The following CELF2 variants were observed in gnomAD, a reference collection of about 807,000 sequenced individuals.
CELF2 encodes CUGBP Elav-like family member 2.
CELF2 carries 8 observed loss-of-function variants against 62.6 expected under a neutral mutation model. The observed-to-expected ratio is 0.13, with a 90% CI of 0.07 to 0.23. The LOEUF is 0.23. Among genes scored for constraint, CELF2 ranks in the 10% least tolerant of loss-of-function variants. The probability of loss-of-function intolerance (pLI) is 1.00; values close to 1 mark genes in which losing one functional copy is unlikely to be tolerated. For missense variants in CELF2, 333 were observed against 671.0 expected, an observed-to-expected ratio of 0.50 and a Z score of 5.56; for synonymous variants, 258 against 250.0, an observed-to-expected ratio of 1.03 and a Z score of -0.30.
intron 1 of CELF2, among the ~76,000 whole-genome samples, chr10:10,909,381 C>T (rs988363378): frequency 6.6e-6 from 1 of 152,164 alleles, no homozygotes; most frequent in Non-Finnish European, 1.5e-5. Flanking sequence ...TCACAGACAG[C>T]GGAAGTCCAG....
chr10:10,980,683 A>G (rs1417986047), intron 2 of CELF2, among the ~76,000 whole-genome samples: 1 of 152,222 alleles, frequency 6.6e-6, no homozygotes, highest in Non-Finnish European at 1.5e-5. Context: ...GCACCCGCAC[A>G]GGTTATTTGA....
Position 11,224,135 on chromosome 10 carries a change from G to T in CELF2, c.354+6628G>T, listed in dbSNP as rs1215045851. Among the ~76,000 whole-genome samples, 3 of 152,212 alleles carry T rather than the reference G, an allele frequency of 2.0e-5. No individual in the cohort carries two copies. The highest frequency in any genetic ancestry group is 4.4e-5 in the Non-Finnish European group (3 of 68,028). Reference sequence around the variant, plus strand: ...TGCAAAGTTGAAAATGCCAGCACAGGATTACAGTAGGGAATAGCCACACCA... The same window carrying T: ...TGCAAAGTTGAAAATGCCAGCACAGTATTACAGTAGGGAATAGCCACACCA... On this transcript the variant is annotated intron_variant, in intron 3 of 12. Coordinates refer to ENST00000633077, the MANE Select transcript of CELF2 (RefSeq NM_001326342.2). This position sits in a 1 kb window ranked among gnomAD's most constrained non-coding sequence, Gnocchi z 4.5.
chr10:10,548,981 C>A, the CELF2 span, among the ~76,000 whole-genome samples: 2 of 152,262 alleles, frequency 1.3e-5, no homozygotes, highest in Non-Finnish European at 2.9e-5. Context: ...GCCGATCAGA[C>A]AGCAAAATCA....
chr10:10,997,936 G>T lies in CELF2; in HGVS notation c.89+77937G>T, dbSNP rs558770549. Among the ~76,000 whole-genome samples the T allele has an allele frequency of 2.6e-5, 4 of 152,242 alleles. 1 individual carries two copies. Among genetic ancestry groups the T allele is most frequent in the Middle Eastern group, 3.4e-3 (1 of 292 alleles). ...TCCCCACGTGTCATGGGAGGGACCCGGTGGGAGGTAATTGAATCATGGAGG... is the reference window on the plus strand; with the variant it reads ...TCCCCACGTGTCATGGGAGGGACCCTGTGGGAGGTAATTGAATCATGGAGG... On this transcript the variant is annotated intron_variant, in intron 2 of 13. Coordinates refer to the CELF2 transcript ENST00000636488. This position sits in a 1 kb window ranked among gnomAD's most constrained non-coding sequence, Gnocchi z 5.3.
chr10:10,741,785 C>T, the CELF2 span, among the ~76,000 whole-genome samples: 2 of 152,132 alleles, frequency 1.3e-5, no homozygotes, highest in Non-Finnish European at 2.9e-5. Flanking sequence ...CTTGAAATTA[C>T]TTGTCATAGG....
intron 1 of CELF2, among the ~76,000 whole-genome samples, chr10:10,825,500 G>A (rs549743898): frequency 1.4e-3 from 209 of 152,258 alleles, no homozygotes; most frequent in African/African-American, 4.8e-3. Flanking sequence ...ATGAGCCACC[G>A]CGCCCAGCTG....
upstream of CELF2, among the ~76,000 whole-genome samples, chr10:11,015,896 ATG>A (rs1318747871): frequency 1.5e-3 from 235 of 152,358 alleles, no homozygotes; most frequent in African/African-American, 5.2e-3. This position sits in a 1 kb window ranked among gnomAD's most constrained non-coding sequence, Gnocchi z 4.8. Context: ...AGAAGCGTAC[ATG>A]TTAATGAAAC....
the CELF2 span, among the ~76,000 whole-genome samples, chr10:10,677,257 C>T: frequency 2.5e-4 from 38 of 152,154 alleles, no homozygotes; most frequent in Admixed American, 9.8e-4. Context: ...GTGGGTCTTA[C>T]GCTTGTGGAC....
chr10:10,473,984 C>T, the CELF2 span, among the ~76,000 whole-genome samples: 1 of 152,084 alleles, frequency 6.6e-6, no homozygotes, highest in African/African-American at 2.4e-5. Flanking sequence ...AAACAAACTA[C>T]TACTTGTGTC....
At chr10:10,888,646 A>G (rs1283548951) in intron 1 of CELF2, among the ~76,000 whole-genome samples, 2 of 152,202 alleles carry the variant, frequency 1.3e-5, no homozygotes, top group Non-Finnish European at 1.5e-5. Flanking sequence ...GAAAGTCTGC[A>G]TGCCCCAGGC....
intron 1 of CELF2, among the ~76,000 whole-genome samples, chr10:11,108,608 C>A (rs142332939): frequency 8.2e-4 from 125 of 152,294 alleles, no homozygotes; most frequent in African/African-American, 2.7e-3. Flanking sequence ...CTGCAGGGCG[C>A]AAGCACACTT....
intron 1 of CELF2, among the ~76,000 whole-genome samples, chr10:11,141,656 A>T (rs1370390074): frequency 6.6e-6 from 1 of 152,242 alleles, no homozygotes; most frequent in Non-Finnish European, 1.5e-5. Flanking sequence ...TTCACTGTTG[A>T]CTTTGAAGTG....
At chr10:11,154,854 C>A (rs2064006338) in intron 1 of CELF2, among the ~76,000 whole-genome samples, 1 of 152,164 alleles carries the variant, frequency 6.6e-6, no homozygotes, top group Non-Finnish European at 1.5e-5. Flanking sequence ...CCACCCATCG[C>A]CCTTATTTCT....
intron 7 of CELF2, 25 bp from the exon 8 acceptor site, chr10:11,275,032 T>A: frequency 6.2e-7 from 1 of 1,612,782 alleles, no homozygotes; most frequent in East Asian, 2.2e-5. Flanking sequence ...CCGTCTCCAC[T>A]TTGCCCTTGT....
intron 2 of CELF2, among the ~76,000 whole-genome samples, chr10:11,194,935 G>A (rs1224557716): frequency 6.6e-6 from 1 of 152,188 alleles, no homozygotes; most frequent in South Asian, 2.1e-4. Context: ...GGAGTGGAGG[G>A]GAGCTTCATC....
At chr10:11,065,171 G>A (rs1339075097) in intron 1 of CELF2, among the ~76,000 whole-genome samples, 1 of 152,200 alleles carries the variant, frequency 6.6e-6, no homozygotes, top group African/African-American at 2.4e-5. Flanking sequence ...TCTTTGGAGA[G>A]GTGGTCAGTG....
chr10:11,248,179 A>G (rs1447049674), intron 3 of CELF2, among the ~76,000 whole-genome samples: 1 of 152,186 alleles, frequency 6.6e-6, no homozygotes, highest in East Asian at 1.9e-4. Flanking sequence ...CTCAGGGTGC[A>G]ATGAAATGTG....
intron 1 of CELF2, among the ~76,000 whole-genome samples, chr10:11,147,365 A>G (rs886954613): frequency 1.3e-5 from 2 of 152,152 alleles, no homozygotes; most frequent in African/African-American, 4.8e-5. Flanking sequence ...GACAAGTCAA[A>G]TGGGTCGCAT....
intron 2 of CELF2, among the ~76,000 whole-genome samples, chr10:11,183,162 C>A (rs2073943846): frequency 6.6e-6 from 1 of 152,174 alleles, no homozygotes; most frequent in East Asian, 1.9e-4. Flanking sequence ...AATTACTGAC[C>A]TACTTTCTGT....
Sources: allele counts gnomAD v4.1 joint callset (sites outside exome capture counted in the v4.1 genomes callset), GRCh38; gene constraint gnomAD v4.1.1; non-coding constraint Gnocchi (gnomAD v3.1); transcripts MANE v1.5; gene names NCBI Gene and HGNC (gene_info 2026-07-23, HGNC 2026-07-21).